FNDC3B: variants seen among roughly 807,000 people sequenced by gnomAD.
FNDC3B encodes fibronectin type III domain-containing protein 3B.
In FNDC3B, 12 loss-of-function variants were observed where a neutral mutation model predicts 151.5. That is an observed-to-expected ratio of 0.08 (90% confidence interval 0.05 to 0.13). The LOEUF is 0.13. FNDC3B is among the 10% of genes least tolerant of loss of function. The pLI, the probability that FNDC3B is intolerant of heterozygous loss-of-function variation, is 1.00. For missense variants in FNDC3B, 1,214 were observed against 1,505.3 expected, an observed-to-expected ratio of 0.81 and a Z score of 3.20; for synonymous variants, 528 against 549.0, an observed-to-expected ratio of 0.96 and a Z score of 0.54.
chr3:172,125,778 A>G (rs1265537232), intron 2 of FNDC3B, among the ~76,000 whole-genome samples: 1 of 152,176 alleles, frequency 6.6e-6, no homozygotes, highest in Non-Finnish European at 1.5e-5. Flanking sequence ...TCTCGCTTCT[A>G]CTTTTCCTGT....
chr3:172,393,725 A>G (rs1439555007), intron 25 of FNDC3B, among the ~76,000 whole-genome samples: 1 of 152,226 alleles, frequency 6.6e-6, no homozygotes, highest in Admixed American at 6.5e-5. Context: ...GAAATAAAAA[A>G]CATACTTCTG....
At chr3:172,041,666 T>G (rs946703003) in intron 1 of FNDC3B, among the ~76,000 whole-genome samples, 1 of 152,160 alleles carries the variant, frequency 6.6e-6, no homozygotes, top group African/African-American at 2.4e-5. Flanking sequence ...CTTCGCTCTG[T>G]AATGATTTCT....
At chr3:172,359,117 G>C (rs1734250635) in intron 22 of FNDC3B, among the ~76,000 whole-genome samples, 1 of 151,864 alleles carries the variant, frequency 6.6e-6, no homozygotes, top group South Asian at 2.1e-4. Flanking sequence ...AAAGAACCTA[G>C]TACTTACCAA....
chr3:172,242,642 G>A (rs1727559961), intron 4 of FNDC3B, among the ~76,000 whole-genome samples: 1 of 152,158 alleles, frequency 6.6e-6, no homozygotes, highest in Non-Finnish European at 1.5e-5. Flanking sequence ...CACAGCATGG[G>A]GACTCTGGGC....
At chr3:172,298,956 C>T (rs1730770297) in intron 9 of FNDC3B, among the ~76,000 whole-genome samples, 169 bp downstream of exon 9, 1 of 152,200 alleles carries the variant, frequency 6.6e-6, no homozygotes, top group African/African-American at 2.4e-5. Context: ...ACTGGGAAGA[C>T]ACAGAAGCGC....
chr3:172,175,897 T>TA (rs1265794039), intron 3 of FNDC3B, among the ~76,000 whole-genome samples: 1 of 152,236 alleles, frequency 6.6e-6, no homozygotes, highest in Non-Finnish European at 1.5e-5. Context: ...AATGAAAACT[T>TA]ACCTGTAACA....
At chr3:172,086,760 C>T (rs906549161) in intron 1 of FNDC3B, among the ~76,000 whole-genome samples, 8 of 152,182 alleles carry the variant, frequency 5.3e-5, no homozygotes, top group African/African-American at 1.7e-4. Context: ...TTTGTGTGTT[C>T]AAAAACGTTC....
intron 1 of FNDC3B, among the ~76,000 whole-genome samples, chr3:172,061,483 C>T (rs1306334242): frequency 2.6e-5 from 4 of 152,068 alleles, no homozygotes; most frequent in East Asian, 1.9e-4. Flanking sequence ...CCTCCCGCCT[C>T]GGCCTCCCAA....
chr3:172,278,706 C>A (rs1185539283), intron 6 of FNDC3B, among the ~76,000 whole-genome samples: 1 of 152,110 alleles, frequency 6.6e-6, no homozygotes, highest in Non-Finnish European at 1.5e-5. Context: ...ATGGGTGGAT[C>A]ACTTGAGGTC....
chr3:172,193,046 T>C (rs1017948396), intron 3 of FNDC3B, among the ~76,000 whole-genome samples: 4 of 152,006 alleles, frequency 2.6e-5, no homozygotes, highest in African/African-American at 9.7e-5. Context: ...ATTTTTGTCC[T>C]TTTGTCCTAT....
intron 13 of FNDC3B, 115 bp from the exon 14 acceptor site, chr3:172,332,974 C>A: frequency 2.6e-6 from 2 of 769,344 alleles, no homozygotes; most frequent in East Asian, 2.4e-5. Flanking sequence ...GCTGCCAGAC[C>A]TCTGGCCAGT....
At chr3:172,285,512 CAGCTCAAAGATTTG>C (rs1729965730) in intron 6 of FNDC3B, among the ~76,000 whole-genome samples, 2 of 152,190 alleles carry the variant, frequency 1.3e-5, no homozygotes, top group Non-Finnish European at 2.9e-5. Context: ...AGTAAAAATA[CAGCTCAAAGATTTG>C]AGCTCACAGC....
intron 3 of FNDC3B, among the ~76,000 whole-genome samples, chr3:172,159,556 A>G (rs1020425649): frequency 6.6e-6 from 1 of 152,232 alleles, no homozygotes; most frequent in South Asian, 2.1e-4. Flanking sequence ...GTCATCTCCA[A>G]CTTATTCTGA....
chr3:172,192,169 G>GTTTTTTT (rs200952601), intron 3 of FNDC3B, among the ~76,000 whole-genome samples: 2 of 87,364 alleles, frequency 2.3e-5, no homozygotes, highest in African/African-American at 3.9e-5. Context: ...TTTTGTGTGT[G>GTTTTTTT]TTTTTTGTTT....
chr3:172,116,513 A>G (rs756697860), intron 2 of FNDC3B, among the ~76,000 whole-genome samples: 4 of 152,060 alleles, frequency 2.6e-5, no homozygotes, highest in Non-Finnish European at 5.9e-5. Flanking sequence ...GGAATTTCAT[A>G]TAAATAAAAT....
At chr3:172,090,652 T>C (rs1718776139) in intron 1 of FNDC3B, among the ~76,000 whole-genome samples, 1 of 152,126 alleles carries the variant, frequency 6.6e-6, no homozygotes. Flanking sequence ...CTCACAAAAC[T>C]AAATTATTCT....
At chr3:172,283,775 T>C (rs896207743) in intron 6 of FNDC3B, among the ~76,000 whole-genome samples, 2 of 152,218 alleles carry the variant, frequency 1.3e-5, no homozygotes, top group African/African-American at 4.8e-5. Flanking sequence ...GATTATATAA[T>C]ATTTACAGTT....
At chr3:172,253,861 C>T (rs999828527) in intron 6 of FNDC3B, among the ~76,000 whole-genome samples, 2 of 151,826 alleles carry the variant, frequency 1.3e-5, no homozygotes, top group African/African-American at 4.8e-5. Context: ...CTCACTGCAA[C>T]CTCCGCCTCC....
At chr3:172,166,083 A>G (rs927995531) in intron 3 of FNDC3B, among the ~76,000 whole-genome samples, 2 of 152,202 alleles carry the variant, frequency 1.3e-5, no homozygotes, top group Non-Finnish European at 2.9e-5. Flanking sequence ...TAGGAAACAT[A>G]GAATCCTTTA....
Sources: allele counts gnomAD v4.1 joint callset (sites outside exome capture counted in the v4.1 genomes callset), GRCh38; gene constraint gnomAD v4.1.1; transcripts MANE v1.5; gene names NCBI Gene and HGNC (gene_info 2026-07-23, HGNC 2026-07-21).